The following GUCY1A2 variants were observed in gnomAD, a reference collection of about 807,000 sequenced individuals.
GUCY1A2 encodes guanylate cyclase 1 soluble subunit alpha 2.
A neutral mutation model predicts 63.5 loss-of-function variants in GUCY1A2; 27 were observed. The ratio of observed to expected loss-of-function variants is 0.43; its 90% CI spans 0.31 to 0.59. GUCY1A2 has a LOEUF of 0.59. Ranked by LOEUF, GUCY1A2 falls within the 20% of genes least tolerant of loss-of-function variation. The pLI, the probability that GUCY1A2 is intolerant of heterozygous loss-of-function variation, is 0.11. For synonymous variants in GUCY1A2, 364 were observed against 343.5 expected, an observed-to-expected ratio of 1.06 and a Z score of -0.66; for missense variants, 768 against 913.3, an observed-to-expected ratio of 0.84 and a Z score of 2.05.
At chr11:106,956,595 C>T (rs554813229) in intron 3 of GUCY1A2, among the ~76,000 whole-genome samples, 8 of 152,182 alleles carry the variant, frequency 5.3e-5, no homozygotes, top group African/African-American at 9.6e-5. Flanking sequence ...TCATGTGATT[C>T]GCTCCAGTTC....
chr11:106,852,420 C>T (rs1357755535), intron 4 of GUCY1A2, among the ~76,000 whole-genome samples: 3 of 152,014 alleles, frequency 2.0e-5, no homozygotes, highest in African/African-American at 4.8e-5. Flanking sequence ...CAGCTTTTCC[C>T]GATTCAGTAT....
intron 4 of GUCY1A2, among the ~76,000 whole-genome samples, chr11:106,922,549 CATATATAT>C (rs754520251): frequency 3.4e-5 from 5 of 145,636 alleles, no homozygotes; most frequent in Non-Finnish European, 6.0e-5. Flanking sequence ...CACACACGAA[CATATATAT>C]ATATATATGT....
At chr11:106,923,585 A>AT (rs5794505) in intron 4 of GUCY1A2, among the ~76,000 whole-genome samples, 11,229 of 152,094 alleles carry the variant, frequency 0.074, 548 homozygotes, top group South Asian at 0.23. Context: ...TATTGCAGCA[A>AT]TTTTTTTTAA....
chr11:106,827,602 T>C (rs192422047), intron 4 of GUCY1A2: 42 of 1,493,056 alleles, frequency 2.8e-5, no homozygotes, highest in Admixed American at 5.0e-5. Context: ...TCTGTTACAA[T>C]GCAGTGTTCT....
intron 4 of GUCY1A2, chr11:106,936,659 G>C: frequency 2.0e-6 from 3 of 1,529,204 alleles, no homozygotes; most frequent in Non-Finnish European, 2.6e-6. Context: ...CCTCAAGACT[G>C]TTGAATCCTG....
At chr11:106,830,861 T>G (rs1006170756) in intron 4 of GUCY1A2, among the ~76,000 whole-genome samples, 3 of 152,178 alleles carry the variant, frequency 2.0e-5, no homozygotes, top group Non-Finnish European at 4.4e-5. Flanking sequence ...CACATATACA[T>G]GTACACAACA....
At chr11:106,910,180 C>T (rs1270246481) in intron 4 of GUCY1A2, among the ~76,000 whole-genome samples, 3 of 151,894 alleles carry the variant, frequency 2.0e-5, no homozygotes, top group South Asian at 4.1e-4. Context: ...ATCTGTAGGG[C>T]CATAGTAAAT....
intron 5 of GUCY1A2, among the ~76,000 whole-genome samples, chr11:106,792,640 C>T (rs941962808): frequency 6.7e-6 from 1 of 148,428 alleles, no homozygotes; most frequent in Non-Finnish European, 1.5e-5. Context: ...TCACAAATGA[C>T]AAGCCCAAAG....
At chr11:106,855,088 T>A (rs1258127463) in intron 4 of GUCY1A2, among the ~76,000 whole-genome samples, 2 of 151,466 alleles carry the variant, frequency 1.3e-5, no homozygotes, top group Non-Finnish European at 2.9e-5. Flanking sequence ...CTGGTGGGAG[T>A]TGGGTTCTCA....
chr11:106,796,065 G>A (rs1185799886), intron 5 of GUCY1A2, among the ~76,000 whole-genome samples: 1 of 152,012 alleles, frequency 6.6e-6, no homozygotes, highest in Non-Finnish European at 1.5e-5. Flanking sequence ...TTACGTAATG[G>A]CCTTCTTTGT....
At chr11:106,782,820 G>A (rs1864489079) in intron 5 of GUCY1A2, among the ~76,000 whole-genome samples, 1 of 152,142 alleles carries the variant, frequency 6.6e-6, no homozygotes, top group South Asian at 2.1e-4. Context: ...AGTAACAGAA[G>A]AGCAGGAAAA....
intron 3 of GUCY1A2, among the ~76,000 whole-genome samples, chr11:106,954,012 CTTCAA>C (rs1860948060): frequency 6.6e-6 from 1 of 151,984 alleles, no homozygotes; most frequent in Admixed American, 6.6e-5. Context: ...TCTCTATCTC[CTTCAA>C]TTCTTCTCTG....
intron 7 of GUCY1A2, among the ~76,000 whole-genome samples, chr11:106,698,356 C>G (rs1862758906): frequency 6.6e-6 from 1 of 151,346 alleles, no homozygotes; most frequent in South Asian, 2.1e-4. Context: ...CTCCTGAACT[C>G]AAGTGATCCT....
chr11:106,712,642 T>A (rs1863140275), intron 6 of GUCY1A2, among the ~76,000 whole-genome samples: 1 of 144,240 alleles, frequency 6.9e-6, no homozygotes, highest in Admixed American at 6.7e-5. Flanking sequence ...TGCAGTTTAA[T>A]GACTTGGAAA....
intron 6 of GUCY1A2, among the ~76,000 whole-genome samples, chr11:106,710,600 A>C (rs1863099844): frequency 6.6e-6 from 1 of 151,376 alleles, no homozygotes; most frequent in South Asian, 2.1e-4. Flanking sequence ...TTGATTAAAA[A>C]TTCTGAAGAG....
chr11:106,739,254 TGTTGCTGAA>T (rs1863646893), intron 6 of GUCY1A2, among the ~76,000 whole-genome samples: 1 of 152,164 alleles, frequency 6.6e-6, no homozygotes, highest in African/African-American at 2.4e-5. Context: ...TATCTTGAGA[TGTTGCTGAA>T]GTTGCTTTTC....
At chr11:106,875,175 G>C (rs1035033461) in intron 4 of GUCY1A2, among the ~76,000 whole-genome samples, 2 of 152,106 alleles carry the variant, frequency 1.3e-5, no homozygotes, top group East Asian at 1.9e-4. Context: ...TATTTGAAGA[G>C]AGTTGTATGA....
At chr11:106,836,476 C>A (rs1474162123) in intron 4 of GUCY1A2, among the ~76,000 whole-genome samples, 6 of 151,942 alleles carry the variant, frequency 3.9e-5, no homozygotes, top group East Asian at 1.9e-4. Flanking sequence ...CAGCTGCAGG[C>A]CGCAATATAC....
intron 6 of GUCY1A2, among the ~76,000 whole-genome samples, chr11:106,746,989 T>G (rs980090445): frequency 1.3e-5 from 2 of 152,108 alleles, no homozygotes; most frequent in Non-Finnish European, 2.9e-5. Context: ...TGTGGGTTTT[T>G]TTTGTTTGTT....
Sources: gnomAD v4.1 joint callset for allele counts (sites outside exome capture counted in the v4.1 genomes callset) on GRCh38, gnomAD v4.1.1 for gene constraint, MANE v1.5 for transcripts, NCBI Gene and HGNC (gene_info 2026-07-23, HGNC 2026-07-21) for gene names.